Variants in PLS3 observed in about 807,000 individuals in gnomAD.
PLS3 encodes the protein plastin-3.
In PLS3, 11 loss-of-function variants were observed where a neutral mutation model predicts 46.5. The observed-to-expected ratio is 0.24, with a 90% CI of 0.15 to 0.39. The LOEUF (loss-of-function observed/expected upper bound fraction) is 0.39. PLS3 is among the 10% of genes least tolerant of loss of function. PLS3 has a pLI of 1.00. For missense variants in PLS3, 308 were observed against 461.8 expected (o/e 0.67, Z 3.05); for synonymous variants, 167 against 162.2 (o/e 1.03, Z -0.22).
intron 10 of PLS3, 79 bp downstream of exon 10, chrX:115,643,587 C>T (rs945165616): frequency 1.8e-6 from 1 of 555,997 alleles, no homozygotes; most frequent in South Asian, 3.7e-5. Flanking sequence ...ACAATCTAGA[C>T]TTAATAAGTT....
chrX:115,575,282 A>G (rs1360174777), intron 1 of PLS3, among the ~76,000 whole-genome samples: 1 of 111,839 alleles, frequency 8.9e-6, no homozygotes, highest in African/African-American at 3.3e-5. Context: ...CACTATGGCT[A>G]TCATAAATAA....
chrX:115,646,623 GA>G, intron 13 of PLS3, 88 bp downstream of exon 13: 1 of 785,189 alleles, frequency 1.3e-6, no homozygotes, highest in East Asian at 3.3e-5. Context: ...TGGATATGTC[GA>G]TAACTACACT....
Position 115,636,854 on chromosome X carries a change from G to T in PLS3, c.767G>T (p.Arg256Leu). ...SRNEALAALL[R>L]DGETLEELMK... ...CTTCTAGCCTTGGCTGCTTTACTCC[G>T]AGATGGTGAGACTTTGGAGGAACTT... Residue 256 changes from arginine (R) to leucine (L), a missense_variant, in exon 8 of 16, where the codon CGA becomes CTA. By Grantham distance (102) the Arg-to-Leu change is moderately radical (BLOSUM62 -2). Transcript: ENST00000355899. The T allele has an allele frequency of 8.3e-7, 1 of 1,199,433 alleles. No individual in the cohort carries two copies. The highest frequency in any genetic ancestry group is 1.1e-6 in the Non-Finnish European group (1 of 888,838).
At chrX:115,616,231 A>G (rs1253356196) in intron 2 of PLS3, among the ~76,000 whole-genome samples, 1 of 112,383 alleles carries the variant, frequency 8.9e-6, no homozygotes, top group Non-Finnish European at 1.9e-5. Context: ...GTAACCACAA[A>G]TAAGGACATA....
intron 8 of PLS3, 47 bp downstream of exon 8, chrX:115,637,025 G>A (rs368666118): frequency 3.3e-5 from 37 of 1,121,358 alleles, no homozygotes; most frequent in Non-Finnish European, 4.5e-5. Context: ...ATAATAGCTG[G>A]AAGATTTCAT....
At chrX:115,594,644 CCT>C (rs782282497) in intron 1 of PLS3, among the ~76,000 whole-genome samples, 2,631 of 95,864 alleles carry the variant, frequency 0.027, 90 homozygotes, top group African/African-American at 0.093. Context: ...TCTCTCCCTC[CCT>C]CTCTCTCTCT....
At position 115,592,063 on chromosome X, in the gene PLS3, G is replaced by A. The variant is rs193247783; in HGVS notation, c.-8-18180G>A. 3.6e-5 allele frequency among the ~76,000 whole-genome samples: 4 copies of A among 111,836 alleles called. No homozygotes were observed. In the East Asian group the frequency reaches 1.1e-3, roughly 32 times the overall value. On this transcript the variant is annotated intron_variant, in intron 1 of 15. Coordinates refer to ENST00000355899, the MANE Select transcript of PLS3 (RefSeq NM_005032.7). ...ACAGGAGAACACTGCCTCATAATGG[G>A]GACTATCCGGTGAGGGCTCCTTTTC...
chrX:115,575,816 C>T (rs1603219015), intron 1 of PLS3, among the ~76,000 whole-genome samples: 1 of 111,826 alleles, frequency 8.9e-6, no homozygotes, highest in Admixed American at 9.6e-5. Flanking sequence ...TTCTCAATAA[C>T]GTTTTCCTTA....
At chrX:115,571,241 G>A (rs976368660) in intron 1 of PLS3, among the ~76,000 whole-genome samples, 8 of 110,713 alleles carry the variant, frequency 7.2e-5, no homozygotes, top group Non-Finnish European at 1.1e-4. Context: ...GCCAAGACCC[G>A]TCACAGTGGT....
intron 1 of PLS3, among the ~76,000 whole-genome samples, chrX:115,602,627 G>A (rs1198934698): frequency 9.0e-6 from 1 of 111,554 alleles, no homozygotes; most frequent in Non-Finnish European, 1.9e-5. Flanking sequence ...TTCTTGAACT[G>A]TTCACACATA....
At chrX:115,647,230 C>T (rs782350098) in intron 13 of PLS3, among the ~76,000 whole-genome samples, 3 of 110,790 alleles carry the variant, frequency 2.7e-5, no homozygotes, top group Non-Finnish European at 5.7e-5. Flanking sequence ...GTCAGGAGAT[C>T]AAGACCATCC....
At chrX:115,648,292 T>C (rs1266346160) in intron 15 of PLS3, among the ~76,000 whole-genome samples, 1 of 112,119 alleles carries the variant, frequency 8.9e-6, no homozygotes, top group Non-Finnish European at 1.9e-5. Context: ...ATGTAGCATG[T>C]ATTTTAATGC....
intron 1 of PLS3, chrX:115,593,636 A>T (rs782385644): frequency 4.5e-5 from 5 of 111,500 alleles, no homozygotes; most frequent in Non-Finnish European, 9.4e-5. Context: ...TCAGCGGGTA[A>T]CTATTTTAAT....
rs1202014333 is a variant in PLS3 at position 115,573,107 on chromosome X, AAAAGAAAAAAG to A, written c.-9+11855_-9+11865del. 1.3e-4 allele frequency among the ~76,000 whole-genome samples: 14 copies of A among 108,606 alleles called. No individual in the cohort carries two copies. In the South Asian group the frequency reaches 3.4e-3, roughly 27 times the overall value. The allele number at this position is 108,606 out of a possible 115,157, so 94.3% of individuals were successfully genotyped here. A position where few individuals can be genotyped will look rare whatever the true frequency, so the allele number is the denominator to read the frequency against. On this transcript the variant is annotated intron_variant, in intron 1 of 15. Transcript: ENST00000355899. ...AGACTCCGTCTCAAAAAAAAAAAAAAAAAGAAAAAAGAAAGAAAGGAAAAAAAAAGAAAATG... is the reference window on the plus strand; with the variant it reads ...AGACTCCGTCTCAAAAAAAAAAAAAAAAAGAAAGGAAAAAAAAAGAAAATG...
rs782019404 is a variant in PLS3 at position 115,636,939 on chromosome X, G to C, written c.852G>C (p.Ser284=). Residue 284 remains serine (S), a synonymous_variant, in exon 8 of 16, where the codon TCG becomes TCC. Transcript: ENST00000355899. ...LRWANFHLEN[S]GWQKINNFSA... is the part of the protein sequence containing the mutation. ...GGGCAAACTTTCATTTGGAAAACTC[G>C]GGCTGGCAAAAAATTAACAACTTTA... is the stretch of plus-strand genomic sequence containing the variant. The C allele has an allele frequency of 8.3e-7, 1 of 1,209,040 alleles. No homozygotes were observed. Among genetic ancestry groups the C allele is most frequent in the East Asian group, 3.0e-5 (1 of 33,780 alleles).
chrX:115,573,942 G>A (rs2074232695), intron 1 of PLS3, among the ~76,000 whole-genome samples: 1 of 110,939 alleles, frequency 9.0e-6, no homozygotes, highest in Non-Finnish European at 1.9e-5. Flanking sequence ...GGCCTCAAGC[G>A]ATCTGCCCAC....
intron 1 of PLS3, among the ~76,000 whole-genome samples, chrX:115,589,503 A>G (rs1315269809): frequency 9.0e-6 from 1 of 111,659 alleles, no homozygotes; most frequent in African/African-American, 3.3e-5. Context: ...CTTTGCTTCT[A>G]TGCTTCACTC....
chrX:115,635,774 G>A (rs1287247169), intron 7 of PLS3, among the ~76,000 whole-genome samples: 5 of 109,553 alleles, frequency 4.6e-5, no homozygotes, highest in African/African-American at 1.7e-4. Context: ...TGGATCACTT[G>A]AGGCCAGGAG....
At chrX:115,615,079 G>A (rs781976847) in intron 2 of PLS3, among the ~76,000 whole-genome samples, 152 of 111,042 alleles carry the variant, frequency 1.4e-3, no homozygotes, top group Non-Finnish European at 2.5e-3. Flanking sequence ...GAGCGTCAAA[G>A]AAAATCCTAG....
Sources: gnomAD v4.1 joint callset for allele counts (sites outside exome capture counted in the v4.1 genomes callset) on GRCh38, gnomAD v4.1.1 for gene constraint, MANE v1.5 for transcripts, NCBI Gene and HGNC (gene_info 2026-07-23, HGNC 2026-07-21) for gene names.